Variants in ABCA5 observed in about 807,000 individuals in gnomAD.
ABCA5 encodes ATP binding cassette subfamily A member 5, also known as cholesterol transporter ABCA5.
ABCA5 carries 163 observed loss-of-function variants against 206.0 expected under a neutral mutation model. The ratio of observed to expected loss-of-function variants is 0.79; its 90% CI spans 0.70 to 0.90. The LOEUF is 0.90. ABCA5 is among the 40% of genes least tolerant of loss of function. ABCA5 has a pLI of 0.00. For synonymous variants in ABCA5, 609 were observed against 613.8 expected (o/e 0.99, Z 0.11); for missense variants, 1,859 against 1,912.9 (o/e 0.97, Z 0.53).
In ABCA5 at chr17:69,254,506, C is replaced by A. The variant is rs1369849933; in HGVS notation, c.4069-16G>T. The A allele has an allele frequency of 2.7e-5, 44 of 1,600,096 alleles. No individual in the cohort carries two copies. Among genetic ancestry groups the A allele is most frequent in the Non-Finnish European group, 3.7e-5 (43 of 1,173,618 alleles). On this transcript the variant is annotated splice_polypyrimidine_tract_variant and intron_variant, in intron 31 of 38. Coordinates refer to ENST00000392676, the MANE Select transcript of ABCA5 (RefSeq NM_172232.4). ...CTAAAAATACCTATAGAAACACAAA[C>A]CAATTTTTATTATTTTGCTTAATTT... is the stretch of plus-strand genomic sequence containing the variant.
At chr17:69,285,720 T>A (rs189154859) in intron 17 of ABCA5, among the ~76,000 whole-genome samples, 178 bp downstream of exon 17, 19 of 150,562 alleles carry the variant, frequency 1.3e-4, no homozygotes, top group East Asian at 7.8e-4. Context: ...AAAAAAAAAA[T>A]TTTGCTGTGT....
In ABCA5 at chr17:69,313,097, G is replaced by T; in HGVS notation, c.302C>A (p.Pro101His). The change falls in exon 3 of 39, where the codon CCT becomes CAT. Residue 101 changes from proline to histidine, a missense_variant. Pro to His is a moderately conservative substitution (Grantham distance 77). Transcript: ENST00000392676. ...IMQKVSTDHL[P>H]DVIITEEYTN... ...TATATATAAGCTCACAATACCATCA[G>T]GTAGATGATCAGTAGACACTTTCTG... 6.3e-7 allele frequency: 1 copy of T among 1,597,186 alleles called. No homozygotes were observed. Among genetic ancestry groups the T allele is most frequent in the South Asian group, 1.1e-5 (1 of 88,386 alleles).
chr17:69,274,476 A>G (rs1027204236), intron 19 of ABCA5, among the ~76,000 whole-genome samples: 4 of 152,080 alleles, frequency 2.6e-5, no homozygotes, highest in Non-Finnish European at 5.9e-5. Flanking sequence ...TGCCTGCCTC[A>G]GCCTCCCAAA....
At chr17:69,294,734 T>C in intron 10 of ABCA5, 21 bp from the exon 11 acceptor site, 1 of 1,530,166 alleles carries the variant, frequency 6.5e-7, no homozygotes, top group Non-Finnish European at 9.0e-7. Context: ...AAGTTTTATA[T>C]TTTAAGTATT....
At position 69,297,433 on chromosome 17, in the gene ABCA5, T is replaced by C. The variant is rs191108899; in HGVS notation, c.1268-74A>G. The stretch of plus-strand genomic sequence containing the variant: ...TCATAAAGACAGCATTTCAAACATA[T>C]GACAACCTGCATCTAAAGTTTAGGT... On this transcript the variant is annotated intron_variant, in intron 9 of 38. Transcript: ENST00000392676. The C allele has an allele frequency of 1.7e-4, 239 of 1,388,900 alleles. No individual in the cohort carries two copies. The African/African-American group carries it at 2.8e-3, about 16-fold the overall frequency. The allele number at this position is 1,388,900 out of a possible 1,614,324, so 86.0% of individuals were successfully genotyped here.
chr17:69,261,283 A>AAAG, intron 25 of ABCA5, 24 bp from the exon 26 acceptor site: 1 of 1,573,654 alleles, frequency 6.4e-7, no homozygotes, highest in East Asian at 2.3e-5. Flanking sequence ...TAAATAAATA[A>AAAG]AAGTGACAAA....
chr17:69,279,923 A>G (rs1467455001), intron 18 of ABCA5, among the ~76,000 whole-genome samples: 1 of 152,226 alleles, frequency 6.6e-6, no homozygotes, highest in Non-Finnish European at 1.5e-5. Context: ...CTAAAACCAT[A>G]AAAACCCTAG....
At chr17:69,266,035 C>T (rs190892304) in intron 23 of ABCA5, among the ~76,000 whole-genome samples, 35 of 152,166 alleles carry the variant, frequency 2.3e-4, no homozygotes, top group African/African-American at 8.4e-4. Flanking sequence ...TGTTCTTCAA[C>T]AGGCAAATGG....
rs1568087724 is a variant in ABCA5, at chr17:69,251,835, TTC to T, written c.4445_4446del (p.Arg1482LysfsTer19). 6.2e-7 allele frequency: 1 copy of T among 1,613,932 alleles called. No individual in the cohort carries two copies. Among genetic ancestry groups the T allele is most frequent in the East Asian group, 2.2e-5 (1 of 44,864 alleles). On this transcript the variant is annotated frameshift_variant, in exon 35 of 39. Transcript: ENST00000392676. LOFTEE classifies it high-confidence loss of function. ...TGAGTGGTCAGAATAGCAGCCCGCT[TTC>T]TGTTTTTAAATGCAGTTCGAATTGC... ...WRAIRTAFKN[R>X]KRAAILTTHY...
At chr17:69,267,317 A>C (rs933077172) in intron 23 of ABCA5, among the ~76,000 whole-genome samples, 1 of 152,206 alleles carries the variant, frequency 6.6e-6, no homozygotes, top group Non-Finnish European at 1.5e-5. Flanking sequence ...AGTAAGATAT[A>C]ATCTCAGCAG....
intron 28 of ABCA5, among the ~76,000 whole-genome samples, chr17:69,258,637 C>T (rs2075109639): frequency 6.6e-6 from 1 of 152,044 alleles, no homozygotes; most frequent in Admixed American, 6.6e-5. Context: ...GCCCAATCCC[C>T]ACCAGTATGC....
At position 69,285,723 on chromosome 17, in the gene ABCA5, T is replaced by C. The variant is rs1409054597; in HGVS notation, c.2272+175A>G. Among the ~76,000 whole-genome samples the C allele has an allele frequency of 2.0e-5, 3 of 152,142 alleles. No homozygotes were observed. The East Asian group carries it at 5.8e-4, about 29-fold the overall frequency. ...ATGGTGTTTGTAAAAAAAAAAATTT[T>C]GCTGTGTTTTTTCTGGCTTTCAAAA... On this transcript the variant is annotated intron_variant, in intron 17 of 38. Transcript: ENST00000392676.
chr17:69,301,665 T>C (rs1008564996), intron 8 of ABCA5, among the ~76,000 whole-genome samples: 37 of 152,208 alleles, frequency 2.4e-4, no homozygotes, highest in South Asian at 6.2e-4. Flanking sequence ...AAATTAAGTA[T>C]TAGGGAATAA....
At chr17:69,266,279 A>T (rs2075206558) in intron 23 of ABCA5, among the ~76,000 whole-genome samples, 1 of 152,184 alleles carries the variant, frequency 6.6e-6, no homozygotes, top group South Asian at 2.1e-4. Context: ...AGAGCAAAAA[A>T]TGGGAATCTT....
At chr17:69,285,053 C>T (rs2075435661) in intron 17 of ABCA5, among the ~76,000 whole-genome samples, 1 of 152,170 alleles carries the variant, frequency 6.6e-6, no homozygotes, top group Non-Finnish European at 1.5e-5. Flanking sequence ...TTACCTTGGG[C>T]AAGTTCCTTA....
intron 2 of ABCA5, among the ~76,000 whole-genome samples, chr17:69,313,850 G>A (rs2075792363): frequency 6.6e-6 from 1 of 152,062 alleles, no homozygotes; most frequent in Non-Finnish European, 1.5e-5. Flanking sequence ...TTCATCCTTT[G>A]AAATTATTAC....
At chr17:69,307,981 T>C (rs947971735) in intron 5 of ABCA5, among the ~76,000 whole-genome samples, 4 of 152,170 alleles carry the variant, frequency 2.6e-5, no homozygotes, top group African/African-American at 4.8e-5. Context: ...GAATGAAATA[T>C]GGTTAATTTG....
intron 23 of ABCA5, among the ~76,000 whole-genome samples, 188 bp downstream of exon 23, chr17:69,267,755 T>C (rs971882765): frequency 3.3e-5 from 5 of 152,150 alleles, no homozygotes; most frequent in African/African-American, 1.2e-4. Flanking sequence ...TTTTAAAGCA[T>C]GTAGCAAGTC....
intron 28 of ABCA5, among the ~76,000 whole-genome samples, chr17:69,257,831 T>C (rs1225518801): frequency 1.3e-5 from 2 of 152,032 alleles, no homozygotes; most frequent in Non-Finnish European, 2.9e-5. Context: ...TTGAGCAATA[T>C]TCCAAGTATA....
Sources: allele counts gnomAD v4.1 joint callset (sites outside exome capture counted in the v4.1 genomes callset), GRCh38; gene constraint gnomAD v4.1.1; transcripts MANE v1.5; gene names NCBI Gene and HGNC (gene_info 2026-07-23, HGNC 2026-07-21).